GNAQ: variants seen among roughly 807,000 people sequenced by gnomAD.
GNAQ encodes the protein G protein subunit alpha q, also known as guanine nucleotide-binding protein G(q) subunit alpha.
In GNAQ, 8 loss-of-function variants were observed where a neutral mutation model predicts 43.9. The ratio of observed to expected loss-of-function variants is 0.18; its 90% CI spans 0.11 to 0.33. The LOEUF is 0.33. Ranked by LOEUF, GNAQ falls within the 10% of genes least tolerant of loss-of-function variation. The pLI, the probability that GNAQ is intolerant of heterozygous loss-of-function variation, is 1.00. For missense variants in GNAQ, 158 were observed against 450.8 expected (o/e 0.35, Z 5.88); for synonymous variants, 155 against 170.7 (o/e 0.91, Z 0.71).
chr9:77,769,965 C>A (rs1428700368), intron 5 of GNAQ, among the ~76,000 whole-genome samples: 1 of 151,988 alleles, frequency 6.6e-6, no homozygotes, highest in African/African-American at 2.4e-5. Flanking sequence ...CGCGCCTGGC[C>A]AAGACAAGAA....
At chr9:77,829,918 C>T (rs2118549330) in intron 2 of GNAQ, among the ~76,000 whole-genome samples, 1 of 152,162 alleles carries the variant, frequency 6.6e-6, no homozygotes, top group East Asian at 1.9e-4. Context: ...CACCATTGAA[C>T]ATTGTGATTT....
At chr9:77,891,065 G>C (rs1280522389) in intron 2 of GNAQ, among the ~76,000 whole-genome samples, 1 of 152,114 alleles carries the variant, frequency 6.6e-6, no homozygotes, top group Non-Finnish European at 1.5e-5. Flanking sequence ...CCTTGTTTCA[G>C]GGCTTAACTT....
At chr9:78,002,719 T>C (rs1320402136) in intron 1 of GNAQ, among the ~76,000 whole-genome samples, 1 of 152,154 alleles carries the variant, frequency 6.6e-6, no homozygotes. Context: ...TTATACAATA[T>C]GATAGCATGA....
In GNAQ at chr9:77,930,975, C is replaced by T. The variant is rs577172520; in HGVS notation, c.137-8630G>A. 2.9e-4 allele frequency among the ~76,000 whole-genome samples: 44 copies of T among 151,894 alleles called. No individual in the cohort carries two copies. The South Asian group carries it at 3.7e-3, about 13-fold the overall frequency. On this transcript the variant is annotated intron_variant, in intron 1 of 6. Transcript: ENST00000286548. ...TGAACCCTACTGGGAACTGTGCATG[C>T]GAAGGATCTAGGTTACATGTTCCTT...
chr9:78,027,897 G>A (rs1480529139), intron 1 of GNAQ, among the ~76,000 whole-genome samples: 3 of 151,958 alleles, frequency 2.0e-5, no homozygotes, highest in Admixed American at 6.6e-5. Context: ...ATAAGAACAG[G>A]TTAACAGGAA....
At chr9:77,970,248 C>T (rs1035402164) in intron 1 of GNAQ, among the ~76,000 whole-genome samples, 2 of 151,220 alleles carry the variant, frequency 1.3e-5, no homozygotes, top group Non-Finnish European at 2.9e-5. Flanking sequence ...AACAAACAAA[C>T]AAAAAAAACT....
chr9:77,933,512 G>A (rs918619146), intron 1 of GNAQ, among the ~76,000 whole-genome samples: 1 of 152,030 alleles, frequency 6.6e-6, no homozygotes, highest in South Asian at 2.1e-4. Flanking sequence ...AGACGGGGTG[G>A]TGCACGCCTG....
intron 5 of GNAQ, among the ~76,000 whole-genome samples, chr9:77,752,653 T>G (rs1825828737): frequency 6.6e-6 from 1 of 152,222 alleles, no homozygotes; most frequent in Admixed American, 6.5e-5. Context: ...CTTGTGTTCT[T>G]AGATGGAAAT....
chr9:77,863,221 A>AAGGAAGGAAGGAAGGGAGGGAGGGC (rs1827888623), intron 2 of GNAQ, among the ~76,000 whole-genome samples: 1 of 136,860 alleles, frequency 7.3e-6, no homozygotes, highest in African/African-American at 2.8e-5. Context: ...GAAGGAAGGG[A>AAGGAAGGAAGGAAGGGAGGGAGGGC]GGAAGGAAGA....
intron 5 of GNAQ, among the ~76,000 whole-genome samples, chr9:77,785,230 AGAG>A (rs1826457657): frequency 6.6e-6 from 1 of 152,236 alleles, no homozygotes; most frequent in Non-Finnish European, 1.5e-5. Context: ...AGGTGGATAC[AGAG>A]GAGAAGGCCA....
At chr9:77,876,886 T>C (rs2118048755) in intron 2 of GNAQ, among the ~76,000 whole-genome samples, 2 of 152,298 alleles carry the variant, frequency 1.3e-5, no homozygotes, top group Middle Eastern at 3.4e-3. Context: ...CTTGACTTTC[T>C]TTATCTCTTA....
At chr9:77,982,693 A>C (rs1444801717) in intron 1 of GNAQ, among the ~76,000 whole-genome samples, 4 of 151,786 alleles carry the variant, frequency 2.6e-5, no homozygotes, top group Non-Finnish European at 5.9e-5. Context: ...CATTCTCATT[A>C]ATGAATCCTC....
rs1159253477 is a variant in GNAQ at position 78,025,630 on chromosome 9, C to A, written c.136+5470G>T. 2.0e-5 allele frequency among the ~76,000 whole-genome samples: 3 copies of A among 152,158 alleles called. No homozygotes were observed. In the East Asian group the frequency reaches 5.8e-4, roughly 29 times the overall value. On this transcript the variant is annotated intron_variant, in intron 1 of 6. Coordinates refer to ENST00000286548, the MANE Select transcript of GNAQ (RefSeq NM_002072.5). ...AACTTGTATTTTCCTCAACCCAATA[C>A]AGAGGAAACAGATTCCCTCCACCTT...
chr9:77,911,709 T>C (rs1196334043), intron 2 of GNAQ, among the ~76,000 whole-genome samples: 1 of 152,120 alleles, frequency 6.6e-6, no homozygotes, highest in African/African-American at 2.4e-5. Context: ...TGTAGAGCCA[T>C]GTTGGCCCAA....
At chr9:77,846,937 C>T (rs1375891470) in intron 2 of GNAQ, among the ~76,000 whole-genome samples, 1 of 152,170 alleles carries the variant, frequency 6.6e-6, no homozygotes, top group Non-Finnish European at 1.5e-5. Context: ...CAGGACTAGA[C>T]TTTTGCCCCT....
intron 6 of GNAQ, among the ~76,000 whole-genome samples, chr9:77,723,491 TAAC>T (rs1297621151): frequency 2.0e-5 from 3 of 152,150 alleles, no homozygotes; most frequent in South Asian, 2.1e-4. Flanking sequence ...GCAGCATTGT[TAAC>T]AACAGCTAAA....
rs1823841507 is a variant in GNAQ at position 78,016,613 on chromosome 9, C to T, written c.136+14487G>A. 2.6e-5 allele frequency among the ~76,000 whole-genome samples: 4 copies of T among 151,364 alleles called. No homozygotes were observed. The South Asian group carries it at 6.3e-4, about 24-fold the overall frequency. Reference sequence around the variant, plus strand: ...AGGAGAACTGATTGAACCCGGGAGGCGGAGGTTGCAGTGAGCCAAGATCAC... The same window carrying T: ...AGGAGAACTGATTGAACCCGGGAGGTGGAGGTTGCAGTGAGCCAAGATCAC... On this transcript the variant is annotated intron_variant, in intron 1 of 6. Coordinates refer to ENST00000286548, the MANE Select transcript of GNAQ (RefSeq NM_002072.5).
At chr9:77,760,220 C>CCCTCTCCCTCTCCCTCTCCCT (rs71358631) in intron 5 of GNAQ, among the ~76,000 whole-genome samples, 1 of 121,828 alleles carries the variant, frequency 8.2e-6, no homozygotes, top group African/African-American at 3.0e-5. Flanking sequence ...TCCTGGACTT[C>CCCTCTCCCTCTCCCTCTCCCT]CCTCTCCCTC....
intron 5 of GNAQ, among the ~76,000 whole-genome samples, chr9:77,762,599 A>C (rs549463221): frequency 6.7e-6 from 1 of 149,930 alleles, no homozygotes; most frequent in Non-Finnish European, 1.5e-5. Flanking sequence ...GGGAGGTGTG[A>C]CCAACAGCCC....
Sources: gnomAD v4.1 joint callset for allele counts (sites outside exome capture counted in the v4.1 genomes callset) on GRCh38, gnomAD v4.1.1 for gene constraint, MANE v1.5 for transcripts, NCBI Gene and HGNC (gene_info 2026-07-23, HGNC 2026-07-21) for gene names.